The following TM9SF4 variants were observed in gnomAD, a reference collection of about 807,000 sequenced individuals.
TM9SF4 encodes the protein transmembrane 9 superfamily member 4.
TM9SF4 carries 26 observed loss-of-function variants against 90.4 expected under a neutral mutation model. The observed-to-expected ratio is 0.29, with a 90% CI of 0.21 to 0.40. TM9SF4 has a LOEUF of 0.40. Ranked by LOEUF, TM9SF4 falls within the 10% of genes least tolerant of loss-of-function variation. The pLI is 1.00. For synonymous variants in TM9SF4, 293 were observed against 315.4 expected (o/e 0.93, Z 0.75); for missense variants, 549 against 834.8 (o/e 0.66, Z 4.22).
intron 1 of TM9SF4, among the ~76,000 whole-genome samples, chr20:32,112,714 A>C (rs1200829501): frequency 2.0e-5 from 3 of 151,908 alleles, no homozygotes; most frequent in Non-Finnish European, 4.4e-5. Flanking sequence ...AAAAAACAAA[A>C]AACAAAACAC....
chr20:32,145,046 G>A (rs2122419795), intron 6 of TM9SF4, 45 bp from the exon 7 acceptor site: 2 of 1,591,668 alleles, frequency 1.3e-6, no homozygotes, highest in South Asian at 2.2e-5. Flanking sequence ...CCTGGGCAGT[G>A]GCACTGGCCA....
rs1312880054 is a variant in TM9SF4, at chr20:32,166,124, T to C, written c.*680T>C. 6.5e-6 allele frequency: 1 copy of C among 152,932 alleles called. No homozygotes were observed. Among genetic ancestry groups the C allele is most frequent in the Non-Finnish European group, 1.5e-5 (1 of 68,272 alleles). 9.5% of individuals were successfully genotyped at this position (152,932 alleles called of 1,614,324 possible). On this transcript the variant is annotated 3_prime_UTR_variant, in exon 18 of 18. Coordinates refer to ENST00000398022, the MANE Select transcript of TM9SF4 (RefSeq NM_014742.4). ...TCTTAGTTGCTACAAGAAAATCCCC[T>C]GGAAGTACTGGGGGCCAGGTTCCCC...
Position 32,141,816 on chromosome 20 carries a change from G to T in TM9SF4, c.449G>T (p.Arg150Leu). The change falls in exon 5 of 18, where the codon CGA becomes CTA. Residue 150 changes from arginine (R) to leucine (L), a missense_variant. This residue lies in a region of TM9SF4 where 495 missense variants were observed against 711.7 expected (regional missense o/e 0.70). Coordinates refer to ENST00000398022, the MANE Select transcript of TM9SF4 (RefSeq NM_014742.4). ...VATRLELYSN[R>L]DSDDKKKEKD... ...ACCCGGCTGGAGCTCTACTCCAACC[G>T]AGACAGCGATGACAAGAAGAAGGAA... The T allele has an allele frequency of 6.2e-7, 1 of 1,614,088 alleles. No homozygotes were observed. Among genetic ancestry groups the T allele is most frequent in the South Asian group, 1.1e-5 (1 of 91,052 alleles).
intron 8 of TM9SF4, among the ~76,000 whole-genome samples, chr20:32,145,680 ATGT>A (rs939604158): frequency 4.6e-5 from 7 of 152,310 alleles, no homozygotes; most frequent in South Asian, 4.1e-4. Flanking sequence ...ATTCAACAAG[ATGT>A]TGTTGTTGCT....
chr20:32,123,866 A>ATATATATATATATATAT lies in TM9SF4; in HGVS notation c.16-9146_16-9145insATATATATATATATATT. Among the ~76,000 whole-genome samples, 9 of 93,964 alleles carry ATATATATATATATATAT rather than the reference A, an allele frequency of 9.6e-5. No homozygotes were observed. In the East Asian group the frequency reaches 5.1e-3, roughly 54 times the overall value. The allele number at this position is 93,964 out of a possible 152,430, so 61.6% of individuals were successfully genotyped here. ...CTCTCATATATATATATATATATATATTTTTTTTTTTAAAGAGATAGGGTC... is the reference window on the plus strand; with the variant it reads ...CTCTCATATATATATATATATATATATATATATATATATATATTTTTTTTTTTTAAAGAGATAGGGTC... On this transcript the variant is annotated intron_variant, in intron 1 of 17. Coordinates refer to ENST00000398022, the MANE Select transcript of TM9SF4 (RefSeq NM_014742.4).
intron 6 of TM9SF4, among the ~76,000 whole-genome samples, chr20:32,144,280 C>T (rs1405847355): frequency 6.6e-6 from 1 of 152,142 alleles, no homozygotes; most frequent in Non-Finnish European, 1.5e-5. Context: ...CAGTACCTGG[C>T]CCATAGTTGG....
chr20:32,158,399 G>A, intron 14 of TM9SF4, 52 bp from the exon 15 acceptor site: 1 of 1,589,710 alleles, frequency 6.3e-7, no homozygotes, highest in Non-Finnish European at 8.6e-7. Flanking sequence ...AGGAGCTTGG[G>A]GCTTCCTGGT....
chr20:32,131,350 A>G (rs2046508659), intron 1 of TM9SF4, among the ~76,000 whole-genome samples: 1 of 152,232 alleles, frequency 6.6e-6, no homozygotes, highest in Non-Finnish European at 1.5e-5. Flanking sequence ...CCTTTTACAA[A>G]TTCAGAAACT....
intron 1 of TM9SF4, among the ~76,000 whole-genome samples, chr20:32,126,740 T>C (rs1476866158): frequency 1.1e-5 from 1 of 95,228 alleles, no homozygotes; most frequent in East Asian, 6.5e-4. Flanking sequence ...ATTTCTTTTT[T>C]TTTTTTTTTC....
intron 1 of TM9SF4, among the ~76,000 whole-genome samples, chr20:32,130,075 A>G (rs1206176938): frequency 6.6e-6 from 1 of 152,192 alleles, no homozygotes; most frequent in Non-Finnish European, 1.5e-5. Flanking sequence ...TATAATGCCT[A>G]TAGCCATGTG....
chr20:32,147,506 G>GAA (rs138949307), intron 9 of TM9SF4, among the ~76,000 whole-genome samples: 6 of 151,910 alleles, frequency 3.9e-5, no homozygotes, highest in Admixed American at 1.3e-4. Flanking sequence ...CAACAAACTT[G>GAA]AAAAAAATGG....
intron 3 of TM9SF4, among the ~76,000 whole-genome samples, chr20:32,137,923 A>C (rs1008206042): frequency 3.9e-5 from 6 of 152,186 alleles, no homozygotes; most frequent in African/African-American, 1.4e-4. Context: ...CTAGTAAGTG[A>C]CGGAACTCCA....
At chr20:32,121,208 T>TA (rs2046301040) in intron 1 of TM9SF4, among the ~76,000 whole-genome samples, 4 of 121,576 alleles carry the variant, frequency 3.3e-5, no homozygotes, top group East Asian at 4.2e-4. Context: ...TTTTTATTTT[T>TA]CTTTTTTTTT....
In TM9SF4 at chr20:32,127,373, G is replaced by A. The variant is rs77915571; in HGVS notation, c.16-5640G>A. Among the ~76,000 whole-genome samples, 168 of 152,002 alleles carry A rather than the reference G, an allele frequency of 1.1e-3. 1 individual carries two copies. Among genetic ancestry groups the A allele is most frequent in the Non-Finnish European group, 2.1e-3 (140 of 68,036 alleles). On this transcript the variant is annotated intron_variant, in intron 1 of 17. Transcript: ENST00000398022. ...GTTCCTCCACTTTCTGGCTGGATGG[G>A]CAAGTTACTTAACTTCTGGGTCTCT...
At chr20:32,113,422 T>G (rs1223300939) in intron 1 of TM9SF4, among the ~76,000 whole-genome samples, 1 of 152,196 alleles carries the variant, frequency 6.6e-6, no homozygotes, top group Non-Finnish European at 1.5e-5. Flanking sequence ...TTTAGACTAC[T>G]CTGTAAAGTT....
intron 1 of TM9SF4, among the ~76,000 whole-genome samples, chr20:32,119,285 C>T (rs1482288257): frequency 1.3e-5 from 2 of 151,902 alleles, no homozygotes; most frequent in African/African-American, 4.8e-5. Flanking sequence ...ATGATGAAAC[C>T]CAGTCTCTAT....
At position 32,143,290 on chromosome 20, in the gene TM9SF4, C is replaced by T. The variant is rs1305877088; in HGVS notation, c.652+185C>T. On this transcript the variant is annotated intron_variant, in intron 6 of 17. Transcript: ENST00000398022. The stretch of plus-strand genomic sequence containing the variant: ...GGGGTGTGGGGGCAGCTGACAGCTG[C>T]AGTGTCACGGGCTAGACACCTTACT... Among the ~76,000 whole-genome samples the T allele has an allele frequency of 2.6e-5, 4 of 152,208 alleles. No homozygotes were observed. In the East Asian group the frequency reaches 7.7e-4, roughly 29 times the overall value.
At chr20:32,123,862 A>ATTTTTTTTTTTTTTTTTTTTTTTTTTT (rs1168474976) in intron 1 of TM9SF4, among the ~76,000 whole-genome samples, 1 of 53,132 alleles carries the variant, frequency 1.9e-5, no homozygotes, top group African/African-American at 1.1e-4. Context: ...ATATATATAT[A>ATTTTTTTTTTTTTTTTTTTTTTTTTTT]TATATTTTTT....
intron 1 of TM9SF4, among the ~76,000 whole-genome samples, chr20:32,128,538 G>A (rs1259322506): frequency 5.9e-5 from 9 of 152,060 alleles, no homozygotes; most frequent in South Asian, 2.1e-4. Context: ...ACCATCCCCC[G>A]AATAATGTAC....
Sources: allele counts gnomAD v4.1 joint callset (sites outside exome capture counted in the v4.1 genomes callset), GRCh38; gene constraint gnomAD v4.1.1; regional missense constraint gnomAD v4.1.1; transcripts MANE v1.5; gene names NCBI Gene and HGNC (gene_info 2026-07-23, HGNC 2026-07-21).